The following ARHGEF40 variants were observed in gnomAD, a reference collection of about 807,000 sequenced individuals.
ARHGEF40 encodes Rho guanine nucleotide exchange factor 40, also known as Rho guanine nucleotide exchange factor (GEF) 40.
Under a neutral mutation model 165.9 loss-of-function variants are expected in ARHGEF40, and 98 were observed. That is an observed-to-expected ratio of 0.59 (90% CI 0.50 to 0.70). The LOEUF is 0.70. Ranked by LOEUF, ARHGEF40 falls within the 30% of genes least tolerant of loss-of-function variation. The pLI, the probability that ARHGEF40 is intolerant of heterozygous loss-of-function variation, is 0.00. For missense variants in ARHGEF40, 1,815 were observed against 1,968.0 expected (o/e 0.92, Z 1.47); for synonymous variants, 792 against 814.3 (o/e 0.97, Z 0.47).
Position 21,083,977 on chromosome 14 carries a change from C to T in ARHGEF40, c.3716C>T (p.Ala1239Val). 1 of 1,613,568 alleles carries T rather than the reference C, an allele frequency of 6.2e-7. No homozygotes were observed. The highest frequency in any genetic ancestry group is 8.5e-7 in the Non-Finnish European group (1 of 1,179,910). ...LSSECRALGA[A>V]VQLLREQEAR... The stretch of plus-strand genomic sequence containing the variant: ...TCTGAGTGCCGGGCCCTTGGGGCTG[C>T]TGTACAGCTGCTCCGGGAACAAGAG... Residue 1239 changes from alanine to valine, a missense_variant, in exon 17 of 24, where the codon GCT becomes GTT. Transcript: ENST00000298694.
the ARHGEF40 span, among the ~76,000 whole-genome samples, chr14:21,061,951 G>C: frequency 1.3e-5 from 2 of 152,086 alleles, no homozygotes; most frequent in African/African-American, 4.8e-5. Context: ...TACTTTATAA[G>C]GACATGGAAT....
Position 21,074,392 on chromosome 14 carries a change from C to T in ARHGEF40, c.662C>T (p.Ala221Val), listed in dbSNP as rs114773484. The change falls in exon 3 of 24, where the codon GCG becomes GTG. Residue 221 changes from alanine (A) to valine (V), a missense_variant. Physicochemically the swap from Ala to Val is moderately conservative, Grantham distance 64. Coordinates refer to ENST00000298694, the MANE Select transcript of ARHGEF40 (RefSeq NM_018071.5). This position sits in a 1 kb window ranked among gnomAD's most constrained non-coding sequence, Gnocchi z 4.8. ...CCCAGCCCTCCACTTCCTGAGGAGGCGCTGGGTACCCGGAGTCCTGGGGAT... is the reference window on the plus strand; with the variant it reads ...CCCAGCCCTCCACTTCCTGAGGAGGTGCTGGGTACCCGGAGTCCTGGGGAT... ...GLPSPPLPEE[A>V]LGTRSPGDGH... The T allele has an allele frequency of 5.6e-6, 9 of 1,613,154 alleles. No individual in the cohort carries two copies. The highest frequency in any genetic ancestry group is 3.3e-5 in the South Asian group (3 of 91,012).
chr14:21,077,185 GCCT>G, intron 8 of ARHGEF40, among the ~76,000 whole-genome samples: 1 of 151,966 alleles, frequency 6.6e-6, no homozygotes, highest in Non-Finnish European at 1.5e-5. Context: ...GCTTACTGCA[GCCT>G]CGACCCTCTG....
chr14:21,079,233 T>G (rs1887680675), intron 11 of ARHGEF40, among the ~76,000 whole-genome samples: 1 of 152,196 alleles, frequency 6.6e-6, no homozygotes, highest in Admixed American at 6.5e-5. Context: ...CTGTTTACAC[T>G]TGATCGAAAA....
chr14:21,077,279 A>ATTTTTTTTTTTT (rs143561266), intron 8 of ARHGEF40, among the ~76,000 whole-genome samples: 2 of 108,510 alleles, frequency 1.8e-5, no homozygotes, highest in African/African-American at 3.6e-5. Flanking sequence ...TAGTTTTTGT[A>ATTTTTTTTTTTT]TTTTTTTTTT....
At position 21,073,562 on chromosome 14, in the gene ARHGEF40, C is replaced by G. The variant is rs1887153054; in HGVS notation, c.201+320C>G. On this transcript the variant is annotated intron_variant, in intron 2 of 23. Coordinates refer to ENST00000298694, the MANE Select transcript of ARHGEF40 (RefSeq NM_018071.5). This position sits in a 1 kb window ranked among gnomAD's most constrained non-coding sequence, Gnocchi z 4.6. ...TCTTCTCCCCCTCATATGAATTTCTCAAGACACTAACTCCCCCGTACATTA... is the reference window on the plus strand; with the variant it reads ...TCTTCTCCCCCTCATATGAATTTCTGAAGACACTAACTCCCCCGTACATTA... Among the ~76,000 whole-genome samples, 1 of 152,104 alleles carries G rather than the reference C, an allele frequency of 6.6e-6. No individual in the cohort carries two copies. The highest frequency in any genetic ancestry group is 1.5e-5 in the Non-Finnish European group (1 of 68,028).
rs748963012 is a variant in ARHGEF40 at position 21,081,913 on chromosome 14, C to T, written c.3045C>T (p.Asp1015=). 14 of 1,613,138 alleles carry T rather than the reference C, an allele frequency of 8.7e-6. No individual in the cohort carries two copies. In the South Asian group the frequency reaches 1.4e-4, roughly 16 times the overall value. ...SHCSLAPCGE[D]YEEEGPELAP... is the part of the protein sequence containing the mutation. ...GCTCCCTGGCCCCATGTGGAGAGGACTATGAGGAAGAGGGCCCTGAGCTGG... is the reference window on the plus strand; with the variant it reads ...GCTCCCTGGCCCCATGTGGAGAGGATTATGAGGAAGAGGGCCCTGAGCTGG... The change falls in exon 14 of 24, where the codon GAC becomes GAT. Residue 1015 remains aspartate, a synonymous_variant. Coordinates refer to ENST00000298694, the MANE Select transcript of ARHGEF40 (RefSeq NM_018071.5).
rs1887132247 is a variant in ARHGEF40 at position 21,073,295 on chromosome 14, C to T, written c.201+53C>T. On this transcript the variant is annotated intron_variant, in intron 2 of 23. Coordinates refer to ENST00000298694, the MANE Select transcript of ARHGEF40 (RefSeq NM_018071.5). The surrounding 1 kb of genome is among the most constrained non-coding windows in gnomAD (Gnocchi z 4.6). Reference sequence around the variant, plus strand: ...CTTCCCCAAGATCCACTGCCACACTCTACAGACTAGCCAGGCTGACTAATG... The same window carrying T: ...CTTCCCCAAGATCCACTGCCACACTTTACAGACTAGCCAGGCTGACTAATG... The T allele has an allele frequency of 6.5e-7, 1 of 1,534,762 alleles. No homozygotes were observed. Among genetic ancestry groups the T allele is most frequent in the Middle Eastern group, 2.3e-4 (1 of 4,382 alleles).
chr14:21,074,490 G>A lies in ARHGEF40; in HGVS notation c.760G>A (p.Gly254Arg). The A allele has an allele frequency of 6.4e-7, 1 of 1,560,560 alleles. No individual in the cohort carries two copies. The highest frequency in any genetic ancestry group is 8.7e-7 in the Non-Finnish European group (1 of 1,152,690). ...GTTAGAGGTGACGCTGCCCGTGAGGGGGAGCCCAACAGATGCTGAAGGCTC... is the reference window on the plus strand; with the variant it reads ...GTTAGAGGTGACGCTGCCCGTGAGGAGGAGCCCAACAGATGCTGAAGGCTC... ...ELLEVTLPVR[G>R]SPTDAEGSPG... The change falls in exon 3 of 24, where the codon GGG (glycine) becomes AGG (arginine). Residue 254 changes from glycine (G) to arginine (R), a missense_variant. Transcript: ENST00000298694. This position sits in a 1 kb window ranked among gnomAD's most constrained non-coding sequence, Gnocchi z 4.8.
chr14:21,062,993 G>T, the ARHGEF40 span, among the ~76,000 whole-genome samples: 3 of 151,616 alleles, frequency 2.0e-5, no homozygotes, highest in Non-Finnish European at 4.4e-5. Flanking sequence ...AGGTGTAGGG[G>T]TGCACACCTG....
chr14:21,070,528 C>G lies in ARHGEF40; in HGVS notation c.3+129C>G. On this transcript the variant is annotated intron_variant, in intron 1 of 23. Coordinates refer to ENST00000298694, the MANE Select transcript of ARHGEF40 (RefSeq NM_018071.5). The surrounding 1 kb of genome is among the most constrained non-coding windows in gnomAD (Gnocchi z 4.7). ...TTCGGCCCCTCTGGGACTCTCCTCC[C>G]TCCCATCCCCCCTTCTTCGATTTGT... The G allele has an allele frequency of 8.8e-7, 1 of 1,138,874 alleles. No individual in the cohort carries two copies. Among genetic ancestry groups the G allele is most frequent in the Non-Finnish European group, 1.2e-6 (1 of 843,326 alleles). The allele number at this position is 1,138,874 out of a possible 1,614,324, so 70.5% of individuals were successfully genotyped here. A position where few individuals can be genotyped will look rare whatever the true frequency, so the allele number is the denominator to read the frequency against.
At position 21,075,829 on chromosome 14, in the gene ARHGEF40, C is replaced by T; in HGVS notation, c.1739+64C>T. On this transcript the variant is annotated intron_variant, in intron 5 of 23. Coordinates refer to ENST00000298694, the MANE Select transcript of ARHGEF40 (RefSeq NM_018071.5). The surrounding 1 kb of genome is among the most constrained non-coding windows in gnomAD (Gnocchi z 4.5). The stretch of plus-strand genomic sequence containing the variant: ...TCCTGATTCATGAGGACCCTCACCT[C>T]CTTCTTCTCAGGACACTGACCTTCT... The T allele has an allele frequency of 6.4e-7, 1 of 1,571,940 alleles. No individual in the cohort carries two copies.
chr14:21,074,345 G>GC lies in ARHGEF40; in HGVS notation c.618dup (p.Ser207LeufsTer13). The GC allele has an allele frequency of 6.2e-7, 1 of 1,614,134 alleles. No homozygotes were observed. On this transcript the variant is annotated frameshift_variant, in exon 3 of 24. Coordinates refer to ENST00000298694, the MANE Select transcript of ARHGEF40 (RefSeq NM_018071.5). LOFTEE classifies it high-confidence loss of function. The surrounding 1 kb of genome is among the most constrained non-coding windows in gnomAD (Gnocchi z 4.8). ...AGCCAAGTACACTGCCCCCAGAACT[G>GC]CCCTCTGGACCTCCAGGGCTTCCCA... is the stretch of plus-strand genomic sequence containing the variant.
intron 21 of ARHGEF40, 36 bp downstream of exon 21, chr14:21,087,499 C>A: frequency 6.3e-7 from 1 of 1,596,374 alleles, no homozygotes; most frequent in Non-Finnish European, 8.5e-7. Flanking sequence ...CCCAACAGCT[C>A]GGTCATGGTG....
chr14:21,074,963 A>C lies in ARHGEF40; in HGVS notation c.1233A>C (p.Gln411His). 6.2e-7 allele frequency: 1 copy of C among 1,610,084 alleles called. No individual in the cohort carries two copies. The highest frequency in any genetic ancestry group is 8.5e-7 in the Non-Finnish European group (1 of 1,178,554). Residue 411 changes from glutamine (Q) to histidine (H), a missense_variant, in exon 3 of 24, where the codon CAA (glutamine) becomes CAC (histidine). Gln to His is a conservative substitution (Grantham distance 24, BLOSUM62 0). Transcript: ENST00000298694. This position sits in a 1 kb window ranked among gnomAD's most constrained non-coding sequence, Gnocchi z 4.8. ...SPGDKEDASHQEALGNLPSPS... is the reference protein window; with the variant it reads ...SPGDKEDASHHEALGNLPSPS... Reference sequence around the variant, plus strand: ...GGGACAAGGAAGATGCCAGCCACCAAGAAGCCCTTGGCAATCTGCCCTCAC... The same window carrying C: ...GGGACAAGGAAGATGCCAGCCACCACGAAGCCCTTGGCAATCTGCCCTCAC...
rs1361160698 is a variant in ARHGEF40 at position 21,070,862 on chromosome 14, A to C, written c.3+463A>C. On this transcript the variant is annotated intron_variant, in intron 1 of 23. Coordinates refer to ENST00000298694, the MANE Select transcript of ARHGEF40 (RefSeq NM_018071.5). The surrounding 1 kb of genome is among the most constrained non-coding windows in gnomAD (Gnocchi z 4.7). ...ACCACCATTTTCCATCCCTGTCCCC[A>C]ACCCGGTGAGGCAGGCCCACCCATC... The C allele has an allele frequency of 3.3e-6, 5 of 1,535,610 alleles. No individual in the cohort carries two copies. The highest frequency in any genetic ancestry group is 4.9e-5 in the East Asian group (2 of 40,882).
chr14:21,064,135 C>G, the ARHGEF40 span, among the ~76,000 whole-genome samples: 2 of 152,148 alleles, frequency 1.3e-5, no homozygotes, highest in African/African-American at 4.8e-5. Flanking sequence ...CCCAATAATT[C>G]CATTTTGTAA....
At position 21,082,009 on chromosome 14, in the gene ARHGEF40, G is replaced by T; in HGVS notation, c.3141G>T (p.Val1047=). ...GCCTGGAGGTCACCAGCACTGAGGT[G>T]GTAGACAGGACGTGCTCACCACGGG... The part of the protein sequence containing the change: ...IRGLEVTSTE[V]VDRTCSPREH... The change falls in exon 14 of 24, where the codon GTG becomes GTT. Residue 1047 remains valine, a synonymous_variant. Transcript: ENST00000298694. The T allele has an allele frequency of 1.3e-6, 2 of 1,576,414 alleles. No individual in the cohort carries two copies. Among genetic ancestry groups the T allele is most frequent in the Non-Finnish European group, 1.7e-6 (2 of 1,160,696 alleles).
Position 21,075,470 on chromosome 14 carries a change from T to C in ARHGEF40, c.1589T>C (p.Leu530Ser). The change falls in exon 4 of 24, where the codon TTG becomes TCG. Residue 530 changes from leucine to serine, a missense_variant. Transcript: ENST00000298694. The surrounding 1 kb of genome is among the most constrained non-coding windows in gnomAD (Gnocchi z 4.5). ...GATCACCCTGATGTAGCTTGGGACT[T>C]GATGGCATCTGGATTCCTCATCCTG... Reference protein sequence around the residue: ...VSDHPDVAWDLMASGFLILTG... With the variant: ...VSDHPDVAWDSMASGFLILTG... 1 of 1,614,192 alleles carries C rather than the reference T, an allele frequency of 6.2e-7. No homozygotes were observed. Among genetic ancestry groups the C allele is most frequent in the African/African-American group, 1.3e-5 (1 of 75,050 alleles).
Sources: gnomAD v4.1 joint callset for allele counts (sites outside exome capture counted in the v4.1 genomes callset) on GRCh38, gnomAD v4.1.1 for gene constraint, Gnocchi (gnomAD v3.1) non-coding constraint, MANE v1.5 for transcripts, NCBI Gene and HGNC (gene_info 2026-07-23, HGNC 2026-07-21) for gene names.